DDX42: variants seen among roughly 807,000 people sequenced by gnomAD.
DDX42 encodes the protein ATP-dependent RNA helicase DDX42.
Under a neutral mutation model 101.5 loss-of-function variants are expected in DDX42, and 22 were observed. That is an observed-to-expected ratio of 0.22 (90% CI 0.15 to 0.31). The LOEUF (loss-of-function observed/expected upper bound fraction) is 0.31. Among genes scored for constraint, DDX42 ranks in the 10% least tolerant of loss-of-function variants. The pLI, the probability that DDX42 is intolerant of heterozygous loss-of-function variation, is 1.00. For synonymous variants in DDX42, 402 were observed against 401.2 expected (o/e 1.00, Z -0.02); for missense variants, 849 against 1,199.9 (o/e 0.71, Z 4.32).
At position 63,792,582 on chromosome 17, in the gene DDX42, A is replaced by G. The variant is rs1478085724; in HGVS notation, c.372+20A>G. Reference sequence around the variant, plus strand: ...GTGGAGGCAAGTATCAACATGTTTCATTAAAATATTTAGCAGTTAGAAATA... The same window carrying G: ...GTGGAGGCAAGTATCAACATGTTTCGTTAAAATATTTAGCAGTTAGAAATA... On this transcript the variant is annotated intron_variant, in intron 3 of 17. Transcript: ENST00000389924. 9.4e-6 allele frequency: 15 copies of G among 1,597,442 alleles called. No individual in the cohort carries two copies. Among genetic ancestry groups the G allele is most frequent in the Non-Finnish European group, 1.1e-5 (13 of 1,171,734 alleles).
At chr17:63,785,034 T>C (rs777677425) in intron 1 of DDX42, among the ~76,000 whole-genome samples, 41 of 152,266 alleles carry the variant, frequency 2.7e-4, no homozygotes, top group South Asian at 6.2e-4. Context: ...TTAATTTGTG[T>C]GTATATACAC....
At chr17:63,808,265 C>A (rs1432982824) in intron 9 of DDX42, among the ~76,000 whole-genome samples, 1 of 152,200 alleles carries the variant, frequency 6.6e-6, no homozygotes, top group Non-Finnish European at 1.5e-5. Flanking sequence ...GCAACCTCCA[C>A]CTCCCAGTTT....
At chr17:63,815,439 C>T (rs2039965270) in intron 15 of DDX42, 124 bp from the exon 16 acceptor site, 2 of 622,512 alleles carry the variant, frequency 3.2e-6, no homozygotes, top group Non-Finnish European at 5.6e-6. Flanking sequence ...CCTCCCTTAG[C>T]GTAGTGCTGG....
chr17:63,806,757 C>A, intron 8 of DDX42, 103 bp downstream of exon 8: 4 of 1,329,262 alleles, frequency 3.0e-6, no homozygotes, highest in African/African-American at 1.5e-5. Context: ...AGTGTAGAAC[C>A]TTGTTGATAA....
In DDX42 at chr17:63,817,089, G is replaced by A. The variant is rs1017878387; in HGVS notation, c.2112+123G>A. The A allele has an allele frequency of 4.5e-5, 32 of 711,350 alleles. 1 individual carries two copies. In the Admixed American group the frequency reaches 6.7e-4, roughly 15 times the overall value. The allele number at this position is 711,350 out of a possible 1,614,324, so 44.1% of individuals were successfully genotyped here. Reference sequence around the variant, plus strand: ...TTGATGCTAGATTTAGGGTCTTCACGCTGCTTGGATTTTGAATATAAACCT... The same window carrying A: ...TTGATGCTAGATTTAGGGTCTTCACACTGCTTGGATTTTGAATATAAACCT... On this transcript the variant is annotated intron_variant, in intron 17 of 17. Coordinates refer to ENST00000389924, the MANE Select transcript of DDX42 (RefSeq NM_203499.3).
chr17:63,800,300 C>G, intron 5 of DDX42, 168 bp from the exon 6 acceptor site: 1 of 564,954 alleles, frequency 1.8e-6, no homozygotes, highest in Non-Finnish European at 3.0e-6. Context: ...TCTGATTGTT[C>G]TTCTGAATAT....
chr17:63,776,886 G>T (rs1291788620), intron 1 of DDX42, among the ~76,000 whole-genome samples: 1 of 152,032 alleles, frequency 6.6e-6, no homozygotes, highest in South Asian at 2.1e-4. Flanking sequence ...TTACTATTCT[G>T]TTAAGATTTC....
Position 63,818,099 on chromosome 17 carries a change from CATGGAG to C in DDX42, c.2524_2529del (p.Asp842_Gly843del). On this transcript the variant is annotated inframe_deletion, in exon 18 of 18. Transcript: ENST00000389924. ...TCCACGTCACGGAGATGGTGGTCGCCATGGAGATGGATACCGCCATCCAGAAAGCAG... is the reference window on the plus strand; with the variant it reads ...TCCACGTCACGGAGATGGTGGTCGCCATGGATACCGCCATCCAGAAAGCAG... The C allele has an allele frequency of 6.2e-7, 1 of 1,613,918 alleles. No individual in the cohort carries two copies. Among genetic ancestry groups the C allele is most frequent in the Non-Finnish European group, 8.5e-7 (1 of 1,180,006 alleles).
At chr17:63,811,558 C>CT in intron 13 of DDX42, 1 of 370,244 alleles carries the variant, frequency 2.7e-6, no homozygotes, top group Non-Finnish European at 4.9e-6. Flanking sequence ...GAAAGGGTGA[C>CT]CTGGAAGGCC....
Position 63,819,149 on chromosome 17 carries a change from G to A in DDX42, c.*751G>A, listed in dbSNP as rs1243921981. 1 of 152,328 alleles carries A rather than the reference G, an allele frequency of 6.6e-6. No homozygotes were observed. The highest frequency in any genetic ancestry group is 2.4e-5 in the African/African-American group (1 of 41,358). The allele number at this position is 152,328 out of a possible 1,614,324, so 9.4% of individuals were successfully genotyped here. A position where few individuals can be genotyped will look rare whatever the true frequency, so the allele number is the denominator to read the frequency against. ...TATCTCATTGTATTTTTTTTAACTTGCCCCAATGATAGAAAAGTCTTTTGC... is the reference window on the plus strand; with the variant it reads ...TATCTCATTGTATTTTTTTTAACTTACCCCAATGATAGAAAAGTCTTTTGC... On this transcript the variant is annotated 3_prime_UTR_variant, in exon 18 of 18. Coordinates refer to ENST00000389924, the MANE Select transcript of DDX42 (RefSeq NM_203499.3).
chr17:63,807,242 G>T (rs1241029088), intron 8 of DDX42, among the ~76,000 whole-genome samples: 1 of 152,210 alleles, frequency 6.6e-6, no homozygotes, highest in Middle Eastern at 3.2e-3. Context: ...CCAGGTTCAA[G>T]CAATTCTCCT....
Position 63,807,714 on chromosome 17 carries a change from T to C in DDX42, c.847-10T>C. On this transcript the variant is annotated splice_polypyrimidine_tract_variant and intron_variant, in intron 8 of 17. Transcript: ENST00000389924. Reference sequence around the variant, plus strand: ...AATTTTAGAGTGGTTATATTTTACTTTTTCTCCAGGGTGTGCCTGTGGCAT... The same window carrying C: ...AATTTTAGAGTGGTTATATTTTACTCTTTCTCCAGGGTGTGCCTGTGGCAT... 2.5e-6 allele frequency: 4 copies of C among 1,605,266 alleles called. No individual in the cohort carries two copies. The highest frequency in any genetic ancestry group is 3.4e-6 in the Non-Finnish European group (4 of 1,176,294).
intron 3 of DDX42, among the ~76,000 whole-genome samples, chr17:63,795,448 ATCCTCCTGCCTCAGCC>A (rs2144553915): frequency 6.6e-6 from 1 of 152,292 alleles, no homozygotes; most frequent in East Asian, 1.9e-4. Context: ...GGCTCAAGTG[ATCCTCCTGCCTCAGCC>A]TCCCAAGTAG....
intron 2 of DDX42, 43 bp from the exon 3 acceptor site, chr17:63,792,369 C>G (rs766257184): frequency 4.9e-5 from 78 of 1,588,900 alleles, no homozygotes; most frequent in South Asian, 1.8e-4. Flanking sequence ...TTACTGACCC[C>G]AAAGTAAGCA....
intron 9 of DDX42, among the ~76,000 whole-genome samples, chr17:63,808,492 A>C (rs1035821810): frequency 3.9e-5 from 6 of 152,102 alleles, no homozygotes; most frequent in African/African-American, 1.4e-4. Flanking sequence ...TTTTTTTAAG[A>C]GGAAAAGCCT....
intron 15 of DDX42, among the ~76,000 whole-genome samples, chr17:63,815,182 G>A (rs2039961922): frequency 6.6e-6 from 1 of 152,170 alleles, no homozygotes; most frequent in South Asian, 2.1e-4. Context: ...AGTTGTTTAA[G>A]TTCCAAATGT....
chr17:63,812,601 A>G (rs555805206), intron 14 of DDX42, among the ~76,000 whole-genome samples: 6 of 152,346 alleles, frequency 3.9e-5, no homozygotes, highest in Admixed American at 2.0e-4. Context: ...TGTTCTGTCA[A>G]GTTTTAATAA....
At chr17:63,800,381 A>T in intron 5 of DDX42, 87 bp from the exon 6 acceptor site, 1 of 1,337,012 alleles carries the variant, frequency 7.5e-7, no homozygotes, top group Admixed American at 2.1e-5. Flanking sequence ...CTGTGCAATT[A>T]TCTGGTACAC....
chr17:63,797,772 A>G (rs754010169), intron 3 of DDX42, among the ~76,000 whole-genome samples: 32 of 152,234 alleles, frequency 2.1e-4, no homozygotes, highest in Non-Finnish European at 4.4e-4. Flanking sequence ...ACTTAAGGTT[A>G]TGTATTTGTG....
Sources: allele counts gnomAD v4.1 joint callset (sites outside exome capture counted in the v4.1 genomes callset), GRCh38; gene constraint gnomAD v4.1.1; transcripts MANE v1.5; gene names NCBI Gene and HGNC (gene_info 2026-07-23, HGNC 2026-07-21).